Variants in MGAT4C observed in about 807,000 individuals in gnomAD.
The protein encoded by MGAT4C is MGAT4 family member C, also known as alpha-1,3-mannosyl-glycoprotein 4-beta-N-acetylglucosaminyltransferase C.
In MGAT4C, 19 loss-of-function variants were observed where a neutral mutation model predicts 40.1. The ratio of observed to expected loss-of-function variants is 0.47; its 90% confidence interval spans 0.33 to 0.70. MGAT4C has a LOEUF of 0.70. MGAT4C is among the 30% of genes least tolerant of loss of function. The pLI is 0.02. For missense variants in MGAT4C, 491 were observed against 563.2 expected, an observed-to-expected ratio of 0.87 and a Z score of 1.30; for synonymous variants, 181 against 187.1, an observed-to-expected ratio of 0.97 and a Z score of 0.27.
At chr12:86,189,576 T>G (rs998903772) in intron 1 of MGAT4C, among the ~76,000 whole-genome samples, 1 of 152,038 alleles carries the variant, frequency 6.6e-6, no homozygotes, top group Non-Finnish European at 1.5e-5. Context: ...TTAAAGCTAC[T>G]GATTTCCTAT....
chr12:86,634,521 G>T (rs976428847), intron 2 of MGAT4C, among the ~76,000 whole-genome samples: 4 of 152,078 alleles, frequency 2.6e-5, no homozygotes, highest in Non-Finnish European at 5.9e-5. Flanking sequence ...CAAGGCAATT[G>T]TTTTGGCTGC....
intron 1 of MGAT4C, among the ~76,000 whole-genome samples, chr12:86,810,822 T>C (rs1013151751): frequency 1.3e-5 from 2 of 152,040 alleles, no homozygotes; most frequent in Non-Finnish European, 2.9e-5. Context: ...ACTATCTTTG[T>C]CAATTTTGGT....
intron 2 of MGAT4C, among the ~76,000 whole-genome samples, chr12:86,018,190 G>A (rs1592698998): frequency 6.6e-6 from 1 of 152,076 alleles, no homozygotes; most frequent in Non-Finnish European, 1.5e-5. Context: ...CCTAAGTAGA[G>A]GTGGGAAAGA....
chr12:86,712,361 C>T (rs962476682), intron 2 of MGAT4C, among the ~76,000 whole-genome samples: 11 of 151,912 alleles, frequency 7.2e-5, no homozygotes, highest in Non-Finnish European at 1.5e-4. Context: ...TATCAGTTCT[C>T]GATCCATGAA....
At chr12:86,784,902 T>C (rs1951906035) in intron 1 of MGAT4C, among the ~76,000 whole-genome samples, 1 of 151,858 alleles carries the variant, frequency 6.6e-6, no homozygotes, top group African/African-American at 2.4e-5. Context: ...AGGGAAATGA[T>C]TGTAGGGAGC....
chr12:86,009,270 G>A (rs564433005), intron 2 of MGAT4C, among the ~76,000 whole-genome samples: 54 of 152,176 alleles, frequency 3.5e-4, no homozygotes, highest in Non-Finnish European at 5.3e-4. Context: ...TTCTGTGTGC[G>A]TTCCAGAAGA....
chr12:86,572,952 G>T (rs1430323312), intron 2 of MGAT4C, among the ~76,000 whole-genome samples: 1 of 151,892 alleles, frequency 6.6e-6, no homozygotes. Context: ...ACCAATCAAA[G>T]CATGATTTTT....
intron 2 of MGAT4C, among the ~76,000 whole-genome samples, chr12:86,571,577 T>G (rs1426854126): frequency 6.6e-6 from 1 of 152,078 alleles, no homozygotes; most frequent in Non-Finnish European, 1.5e-5. Context: ...AAGGGGATAC[T>G]CTTTATGAAT....
At chr12:86,065,869 T>C (rs1262420549) in intron 1 of MGAT4C, among the ~76,000 whole-genome samples, 1 of 152,214 alleles carries the variant, frequency 6.6e-6, no homozygotes, top group Non-Finnish European at 1.5e-5. Context: ...TGTCTCAGGA[T>C]ACAAAGTCAA....
At chr12:86,177,616 A>G (rs1239595034) in intron 1 of MGAT4C, among the ~76,000 whole-genome samples, 1 of 152,144 alleles carries the variant, frequency 6.6e-6, no homozygotes, top group Admixed American at 6.6e-5. Flanking sequence ...AACACCCTAT[A>G]TTTAATATAA....
At chr12:86,614,439 A>G (rs1962383601) in intron 2 of MGAT4C, among the ~76,000 whole-genome samples, 1 of 152,138 alleles carries the variant, frequency 6.6e-6, no homozygotes, top group Admixed American at 6.6e-5. Flanking sequence ...TGGATAATAT[A>G]TGCTTTAGGT....
chr12:86,595,748 G>T (rs2136453717), intron 2 of MGAT4C, among the ~76,000 whole-genome samples: 1 of 152,184 alleles, frequency 6.6e-6, no homozygotes, highest in Non-Finnish European at 1.5e-5. Context: ...AATTTTTTGA[G>T]CCTTTTAACA....
chr12:86,213,221 T>C (rs556886358), intron 1 of MGAT4C, among the ~76,000 whole-genome samples: 4 of 146,900 alleles, frequency 2.7e-5, no homozygotes, highest in Admixed American at 1.4e-4. Context: ...GTGATCTAAA[T>C]TGACAGATCA....
chr12:86,291,637 T>C (rs1379327768), intron 4 of MGAT4C, among the ~76,000 whole-genome samples: 1 of 152,192 alleles, frequency 6.6e-6, no homozygotes, highest in Non-Finnish European at 1.5e-5. Flanking sequence ...ATTATGTATA[T>C]ATGAAGGATC....
intron 1 of MGAT4C, among the ~76,000 whole-genome samples, chr12:86,090,880 T>C (rs952899428): frequency 7.9e-5 from 12 of 151,930 alleles, no homozygotes; most frequent in Admixed American, 7.9e-4. Context: ...AAGTATATTT[T>C]TAAAAATCCT....
At chr12:86,359,973 C>T (rs1955420593) in intron 3 of MGAT4C, among the ~76,000 whole-genome samples, 1 of 152,148 alleles carries the variant, frequency 6.6e-6, no homozygotes, top group Admixed American at 6.5e-5. Flanking sequence ...CTCCCTAACT[C>T]TTTTTATGAG....
chr12:86,410,442 A>G (rs530573203), intron 3 of MGAT4C, among the ~76,000 whole-genome samples: 1 of 152,264 alleles, frequency 6.6e-6, no homozygotes, highest in African/African-American at 2.4e-5. Flanking sequence ...TTGCACATCC[A>G]TTTATAGCCT....
At chr12:86,366,415 C>T (rs556842667) in intron 3 of MGAT4C, among the ~76,000 whole-genome samples, 1 of 152,134 alleles carries the variant, frequency 6.6e-6, no homozygotes, top group South Asian at 2.1e-4. Flanking sequence ...ACTTTTGGTA[C>T]TATGTTGAAG....
chr12:85,992,261 A>G (rs1238671536), intron 2 of MGAT4C, among the ~76,000 whole-genome samples: 2 of 152,220 alleles, frequency 1.3e-5, no homozygotes, highest in African/African-American at 4.8e-5. Context: ...TCAATCCTCT[A>G]TCACCTCTAC....
Sources: gnomAD v4.1 joint callset for allele counts (sites outside exome capture counted in the v4.1 genomes callset) on GRCh38, gnomAD v4.1.1 for gene constraint, MANE v1.5 for transcripts, NCBI Gene and HGNC (gene_info 2026-07-23, HGNC 2026-07-21) for gene names.